CTNND2: variants seen among roughly 807,000 people sequenced by gnomAD.
CTNND2 encodes catenin delta 2, also known as catenin delta-2.
Under a neutral mutation model 144.4 loss-of-function variants are expected in CTNND2, and 22 were observed. The ratio of observed to expected loss-of-function variants is 0.15; its 90% CI spans 0.11 to 0.22. The LOEUF (loss-of-function observed/expected upper bound fraction) is 0.22, where lower values mean the gene tolerates loss of function less well. CTNND2 is among the 10% of genes least tolerant of loss of function. The probability of loss-of-function intolerance (pLI) is 1.00; values close to 1 mark genes in which losing one functional copy is unlikely to be tolerated. For missense variants in CTNND2, 1,353 were observed against 1,618.8 expected (o/e 0.84, Z 2.82); for synonymous variants, 751 against 695.6 (o/e 1.08, Z -1.25).
At chr5:11,631,258 C>A (rs923304942) in intron 2 of CTNND2, among the ~76,000 whole-genome samples, 2 of 152,110 alleles carry the variant, frequency 1.3e-5, no homozygotes, top group African/African-American at 4.8e-5. Context: ...CATGATAAGC[C>A]AGGTTTCTGT....
chr5:10,976,916 A>G (rs991009621), intron 21 of CTNND2, among the ~76,000 whole-genome samples: 3 of 152,256 alleles, frequency 2.0e-5, no homozygotes, highest in Non-Finnish European at 4.4e-5. Flanking sequence ...TCTTCAAAGC[A>G]TAATCCCAAG....
At chr5:11,356,088 TA>T (rs1336575314) in intron 8 of CTNND2, among the ~76,000 whole-genome samples, 1 of 152,028 alleles carries the variant, frequency 6.6e-6, no homozygotes, top group Non-Finnish European at 1.5e-5. Flanking sequence ...TCATGGGTTA[TA>T]ATAATTAGTA....
chr5:11,537,053 T>TG (rs76637718), intron 3 of CTNND2, among the ~76,000 whole-genome samples: 23,626 of 151,408 alleles, frequency 0.16, 2,192 homozygotes, highest in Admixed American at 0.26. Flanking sequence ...AGGCAGCAGG[T>TG]GGGGGGAAGG....
intron 2 of CTNND2, among the ~76,000 whole-genome samples, chr5:11,641,431 A>G (rs1375274712): frequency 7.0e-6 from 1 of 143,422 alleles, no homozygotes; most frequent in Non-Finnish European, 1.5e-5. Context: ...CCTTCTCAGA[A>G]CAGGAGTAAA....
chr5:11,111,261 T>C (rs1206956417), intron 13 of CTNND2, among the ~76,000 whole-genome samples: 3 of 152,228 alleles, frequency 2.0e-5, no homozygotes, highest in Non-Finnish European at 4.4e-5. Flanking sequence ...AAATGACTTA[T>C]CAGCAATAGT....
chr5:11,335,886 T>C (rs1026172067), intron 9 of CTNND2, among the ~76,000 whole-genome samples: 1 of 152,058 alleles, frequency 6.6e-6, no homozygotes, highest in Admixed American at 6.5e-5. Context: ...ACTTTGGAAA[T>C]TCACTTTAGC....
chr5:11,085,721 G>A (rs548022987), intron 15 of CTNND2, among the ~76,000 whole-genome samples: 2 of 152,324 alleles, frequency 1.3e-5, no homozygotes, highest in African/African-American at 4.8e-5. Context: ...CTCCATGCTG[G>A]GGAAAGAAAG....
intron 9 of CTNND2, among the ~76,000 whole-genome samples, chr5:11,308,224 C>CTTT (rs57613248): frequency 0.023 from 3,412 of 145,726 alleles, 142 homozygotes; most frequent in African/African-American, 0.08. Flanking sequence ...ATTATAATTA[C>CTTT]TTTTTTTTTT....
intron 12 of CTNND2, among the ~76,000 whole-genome samples, chr5:11,139,786 C>T (rs1756535257): frequency 6.6e-6 from 1 of 152,220 alleles, no homozygotes; most frequent in Non-Finnish European, 1.5e-5. Flanking sequence ...TATTCTTATA[C>T]ATCTGGAGAA....
intron 21 of CTNND2, among the ~76,000 whole-genome samples, chr5:10,977,974 C>T (rs887486913): frequency 6.6e-6 from 1 of 152,204 alleles, no homozygotes; most frequent in Admixed American, 6.5e-5. Flanking sequence ...TTTGCCTTAT[C>T]TTGGAGATCC....
intron 1 of CTNND2, among the ~76,000 whole-genome samples, chr5:11,902,516 T>C (rs1216499831): frequency 6.6e-6 from 1 of 152,144 alleles, no homozygotes; most frequent in East Asian, 1.9e-4. Flanking sequence ...CAGCCCCTGA[T>C]GAAGTATGCA....
chr5:11,521,635 A>G (rs944032525), intron 3 of CTNND2, among the ~76,000 whole-genome samples: 13 of 152,216 alleles, frequency 8.5e-5, no homozygotes, highest in African/African-American at 3.1e-4. Flanking sequence ...TGGTTCTAAA[A>G]CAGTATCCGG....
intron 12 of CTNND2, among the ~76,000 whole-genome samples, chr5:11,137,806 C>T (rs886386573): frequency 6.6e-6 from 1 of 152,148 alleles, no homozygotes; most frequent in Non-Finnish European, 1.5e-5. Context: ...GTTAGGTATC[C>T]ATCTGGATAT....
chr5:11,101,465 T>C (rs906403978), intron 14 of CTNND2, among the ~76,000 whole-genome samples: 2 of 152,204 alleles, frequency 1.3e-5, no homozygotes, highest in African/African-American at 2.4e-5. Flanking sequence ...AGAAAAATCA[T>C]GGGATATACA....
intron 1 of CTNND2, among the ~76,000 whole-genome samples, chr5:11,795,447 T>A (rs1791351995): frequency 6.6e-6 from 1 of 152,182 alleles, no homozygotes; most frequent in African/African-American, 2.4e-5. Flanking sequence ...GGGACTGCCA[T>A]CATGAAGTTC....
intron 2 of CTNND2, among the ~76,000 whole-genome samples, chr5:11,670,957 G>A (rs1344732011): frequency 6.6e-6 from 1 of 152,184 alleles, no homozygotes; most frequent in African/African-American, 2.4e-5. Context: ...AGGAGCTCCT[G>A]TAAGGCAGGT....
chr5:11,120,503 G>C (rs201345222), intron 12 of CTNND2, among the ~76,000 whole-genome samples: 2 of 28,574 alleles, frequency 7.0e-5, no homozygotes, highest in South Asian at 1.7e-3. Flanking sequence ...GTCCGCAGGG[G>C]TAATGAGGCT....
intron 21 of CTNND2, among the ~76,000 whole-genome samples, chr5:10,978,022 T>G (rs1736716331): frequency 6.6e-6 from 1 of 152,168 alleles, no homozygotes; most frequent in Non-Finnish European, 1.5e-5. Context: ...TGCTTCCCCA[T>G]AAGCTCAGTC....
chr5:11,291,774 T>G (rs1748375512), intron 9 of CTNND2, among the ~76,000 whole-genome samples: 1 of 152,140 alleles, frequency 6.6e-6, no homozygotes, highest in Non-Finnish European at 1.5e-5. Flanking sequence ...GCCTGAAACC[T>G]GGTACAAAAT....
Sources: gnomAD v4.1 joint callset for allele counts (sites outside exome capture counted in the v4.1 genomes callset) on GRCh38, gnomAD v4.1.1 for gene constraint, MANE v1.5 for transcripts, NCBI Gene and HGNC (gene_info 2026-07-23, HGNC 2026-07-21) for gene names.